RAB39A: variants seen among roughly 807,000 people sequenced by gnomAD.
The protein encoded by RAB39A is ras-related protein Rab-39A.
Under a neutral mutation model 20.9 loss-of-function variants are expected in RAB39A, and 17 were observed. That is an observed-to-expected ratio of 0.81 (90% CI 0.56 to 1.22). The LOEUF (loss-of-function observed/expected upper bound fraction) is 1.22, where lower values mean the gene tolerates loss of function less well. Ranked by LOEUF, RAB39A falls within the 50% of genes most tolerant of loss-of-function variation. RAB39A has a pLI of 0.00. For synonymous variants in RAB39A, 99 were observed against 103.4 expected, an observed-to-expected ratio of 0.96 and a Z score of 0.26; for missense variants, 234 against 270.5, an observed-to-expected ratio of 0.87 and a Z score of 0.95.
chr11:107,950,030 A>C (rs894260478), intron 1 of RAB39A, among the ~76,000 whole-genome samples: 1 of 151,828 alleles, frequency 6.6e-6, no homozygotes, highest in Non-Finnish European at 1.5e-5. Flanking sequence ...AACAAAAAAA[A>C]TTAGCCGGGC....
At chr11:107,942,837 T>G (rs1861273422) in intron 1 of RAB39A, among the ~76,000 whole-genome samples, 1 of 152,096 alleles carries the variant, frequency 6.6e-6, no homozygotes, top group African/African-American at 2.4e-5. Context: ...AGCTAGAATT[T>G]TGTATAATTT....
At chr11:107,931,820 G>A (rs755366104) in intron 1 of RAB39A, among the ~76,000 whole-genome samples, 9 of 150,914 alleles carry the variant, frequency 6.0e-5, no homozygotes, top group Non-Finnish European at 8.9e-5. Context: ...TTAGTGAGTT[G>A]GTAATTATGA....
In RAB39A at chr11:107,928,595, C is replaced by A. The variant is rs552278060; in HGVS notation, c.27C>A (p.Phe9Leu). The change falls in exon 1 of 2, where the codon TTC becomes TTA. Residue 9 changes from phenylalanine (F) to leucine (L), a missense_variant. Phe to Leu is a conservative substitution (Grantham distance 22, BLOSUM62 0). Transcript: ENST00000320578. This position sits in a 1 kb window ranked among gnomAD's most constrained non-coding sequence, Gnocchi z 4.9. Reference protein sequence around the residue: METIWIYQFRLIVIGDSTV... With the variant: METIWIYQLRLIVIGDSTV... ...TGGAGACCATCTGGATCTACCAGTT[C>A]CGCCTCATCGTGATCGGGGACTCCA... 5 of 1,582,438 alleles carry A rather than the reference C, an allele frequency of 3.2e-6. No individual in the cohort carries two copies. In the South Asian group the frequency reaches 5.7e-5, roughly 18 times the overall value.
At chr11:107,946,237 A>C (rs944872850) in intron 1 of RAB39A, among the ~76,000 whole-genome samples, 1 of 119,332 alleles carries the variant, frequency 8.4e-6, no homozygotes, top group Non-Finnish European at 1.8e-5. Flanking sequence ...GTTAAAAAAC[A>C]AAAAAAAAAA....
In RAB39A at chr11:107,928,718, C is replaced by T. The variant is rs139575656; in HGVS notation, c.150C>T (p.Phe50=). 6.2e-7 allele frequency: 1 copy of T among 1,610,276 alleles called. No homozygotes were observed. The highest frequency in any genetic ancestry group is 1.7e-5 in the Admixed American group (1 of 59,454). The change falls in exon 1 of 2, where the codon TTC becomes TTT. Residue 50 remains phenylalanine (F), a synonymous_variant. Coordinates refer to ENST00000320578, the MANE Select transcript of RAB39A (RefSeq NM_017516.3). This position sits in a 1 kb window ranked among gnomAD's most constrained non-coding sequence, Gnocchi z 4.9. The part of the protein sequence containing the change: ...ACDPTVGVDF[F]SRLLEIEPGK... ...ACCCCACCGTCGGCGTGGACTTCTT[C>T]TCCCGCCTGCTGGAGATCGAGCCGG...
At chr11:107,933,447 T>TCGGCTCACTG (rs1452513439) in intron 1 of RAB39A, among the ~76,000 whole-genome samples, 5 of 132,240 alleles carry the variant, frequency 3.8e-5, no homozygotes. Context: ...AGTGAAACGA[T>TCGGCTCACTG]CGGCTCACTG....
At chr11:107,957,847 CA>C (rs1357464848) in intron 1 of RAB39A, among the ~76,000 whole-genome samples, 1 of 152,120 alleles carries the variant, frequency 6.6e-6, no homozygotes, top group Admixed American at 6.6e-5. Flanking sequence ...CCTGACCCCA[CA>C]ATTTTTTTCC....
intron 1 of RAB39A, among the ~76,000 whole-genome samples, chr11:107,956,930 A>G (rs1372148475): frequency 6.6e-6 from 1 of 152,240 alleles, no homozygotes; most frequent in Non-Finnish European, 1.5e-5. Context: ...TAATGGATAG[A>G]AAGTGATAGA....
intron 1 of RAB39A, among the ~76,000 whole-genome samples, chr11:107,936,153 G>A (rs552694572): frequency 6.6e-6 from 1 of 152,134 alleles, no homozygotes; most frequent in East Asian, 1.9e-4. Context: ...GCCCACCTCG[G>A]CCTCCCAAAG....
chr11:107,940,863 C>T (rs1861251639), intron 1 of RAB39A, among the ~76,000 whole-genome samples: 2 of 151,954 alleles, frequency 1.3e-5, no homozygotes. Flanking sequence ...GTCCCAGCTA[C>T]TCAGGAGGCT....
At chr11:107,939,057 G>C (rs1208859111) in intron 1 of RAB39A, among the ~76,000 whole-genome samples, 3 of 151,208 alleles carry the variant, frequency 2.0e-5, no homozygotes, top group African/African-American at 7.3e-5. Flanking sequence ...GTGTGGCCAA[G>C]CTGGTGAAAC....
At chr11:107,956,417 G>C (rs1359876383) in intron 1 of RAB39A, among the ~76,000 whole-genome samples, 1 of 152,210 alleles carries the variant, frequency 6.6e-6, no homozygotes, top group Admixed American at 6.5e-5. Flanking sequence ...CCAGAAAGAG[G>C]AAAGGAGGGA....
chr11:107,962,196 G>T lies in RAB39A; in HGVS notation c.478G>T (p.Asp160Tyr). 1 of 1,614,082 alleles carries T rather than the reference G, an allele frequency of 6.2e-7. No individual in the cohort carries two copies. The highest frequency in any genetic ancestry group is 8.5e-7 in the Non-Finnish European group (1 of 1,179,980). The change falls in exon 2 of 2, where the codon GAT becomes TAT. Residue 160 changes from aspartate to tyrosine, a missense_variant. Physicochemically the swap from Asp to Tyr is radical, Grantham distance 160 (BLOSUM62 -3). Coordinates refer to ENST00000320578, the MANE Select transcript of RAB39A (RefSeq NM_017516.3). ...GMKYIETSAK[D>Y]ATNVEESFTI... ...GAAGTATATAGAAACCTCAGCAAAG[G>T]ATGCTACAAATGTTGAAGAATCCTT...
intron 1 of RAB39A, among the ~76,000 whole-genome samples, chr11:107,944,805 TA>T (rs1356994806): frequency 6.6e-6 from 1 of 152,230 alleles, no homozygotes. Flanking sequence ...TCAGGGGATG[TA>T]TCCCAAAGGA....
At chr11:107,945,318 C>CAAAAAAAAAAAAAAAAAAA (rs33940061) in intron 1 of RAB39A, among the ~76,000 whole-genome samples, 1 of 87,448 alleles carries the variant, frequency 1.1e-5, no homozygotes, top group Non-Finnish European at 2.2e-5. Context: ...CCCGTCTCTA[C>CAAAAAAAAAAAAAAAAAAA]AAAAAAAAAA....
At chr11:107,930,927 A>C (rs974273217) in intron 1 of RAB39A, among the ~76,000 whole-genome samples, 3 of 152,080 alleles carry the variant, frequency 2.0e-5, no homozygotes, top group Non-Finnish European at 2.9e-5. Flanking sequence ...AATTTGTTAG[A>C]CTTTAAAGAC....
In RAB39A at chr11:107,942,791, G is replaced by A. The variant is rs546004774; in HGVS notation, c.227+13996G>A. ...ACAAGTTTTAATGGCATGTTGTATG[G>A]GGTGTGTGTGTGTGTGTGTATGTCT... On this transcript the variant is annotated intron_variant, in intron 1 of 1. Transcript: ENST00000320578. Among the ~76,000 whole-genome samples, 17 of 152,050 alleles carry A rather than the reference G, an allele frequency of 1.1e-4. No individual in the cohort carries two copies. The South Asian group carries it at 3.3e-3, about 30-fold the overall frequency.
In RAB39A at chr11:107,935,378, C is replaced by CT. The variant is rs1160701453; in HGVS notation, c.227+6596dup. Among the ~76,000 whole-genome samples, 505 of 142,280 alleles carry CT rather than the reference C, an allele frequency of 3.5e-3. 8 individuals are homozygous for CT. The highest frequency in any genetic ancestry group is 2.2e-3 in the East Asian group (11 of 4,970). The allele number at this position is 142,280 out of a possible 152,430, so 93.3% of individuals were successfully genotyped here. On this transcript the variant is annotated intron_variant, in intron 1 of 1. Coordinates refer to ENST00000320578, the MANE Select transcript of RAB39A (RefSeq NM_017516.3). Reference sequence around the variant, plus strand: ...TAAAGGATTAATTTTCTTTCTTCTTCTTTTTTTTTTTTTGGAGACAGAGTC... The same window carrying CT: ...TAAAGGATTAATTTTCTTTCTTCTTCTTTTTTTTTTTTTTGGAGACAGAGTC...
chr11:107,952,348 G>A (rs191708999), intron 1 of RAB39A, among the ~76,000 whole-genome samples: 99 of 152,300 alleles, frequency 6.5e-4, no homozygotes, highest in African/African-American at 2.1e-3. Flanking sequence ...TTGGGAAGCC[G>A]AGGTGGGCGG....
Sources: allele counts gnomAD v4.1 joint callset (sites outside exome capture counted in the v4.1 genomes callset), GRCh38; gene constraint gnomAD v4.1.1; non-coding constraint Gnocchi (gnomAD v3.1); transcripts MANE v1.5; gene names NCBI Gene and HGNC (gene_info 2026-07-23, HGNC 2026-07-21).